Variants in INSYN2A observed in about 807,000 individuals in gnomAD.
The protein encoded by INSYN2A is family with sequence similarity 196 member A.
A neutral mutation model predicts 39.4 loss-of-function variants in INSYN2A; 17 were observed. That is an observed-to-expected ratio of 0.43 (90% CI 0.30 to 0.65). INSYN2A has a LOEUF of 0.65. Ranked by LOEUF, INSYN2A falls within the 30% of genes least tolerant of loss-of-function variation. The probability of loss-of-function intolerance (pLI) is 0.14; values close to 1 mark genes in which losing one functional copy is unlikely to be tolerated. For missense variants in INSYN2A, 595 were observed against 631.2 expected, an observed-to-expected ratio of 0.94 and a Z score of 0.61; for synonymous variants, 255 against 265.7, an observed-to-expected ratio of 0.96 and a Z score of 0.39.
intron 4 of INSYN2A, among the ~76,000 whole-genome samples, chr10:127,162,575 A>C (rs951075426): frequency 1.3e-5 from 2 of 152,168 alleles, no homozygotes; most frequent in African/African-American, 4.8e-5. Flanking sequence ...TCAGAATCAC[A>C]CACATCCCAT....
At chr10:127,171,724 G>T (rs2054590727) in intron 4 of INSYN2A, among the ~76,000 whole-genome samples, 1 of 152,074 alleles carries the variant, frequency 6.6e-6, no homozygotes, top group Admixed American at 6.6e-5. Flanking sequence ...ATTTTTTTGA[G>T]ATGGAGTCTC....
chr10:127,195,523 T>TCCC (rs144810960), intron 1 of INSYN2A, among the ~76,000 whole-genome samples: 1,999 of 148,114 alleles, frequency 0.013, 11 homozygotes, highest in Non-Finnish European at 0.021. Context: ...TTCCAACTCA[T>TCCC]CCCCCCCCCG....
intron 5 of INSYN2A, chr10:127,146,078 T>C (rs1191452362): frequency 3.9e-6 from 2 of 514,520 alleles, no homozygotes; most frequent in Admixed American, 4.0e-5. Context: ...GTCCCGTATT[T>C]ACCCCCAGAA....
intron 2 of INSYN2A, among the ~76,000 whole-genome samples, chr10:127,190,785 C>T (rs1351616788): frequency 2.0e-5 from 3 of 149,638 alleles, no homozygotes. Flanking sequence ...TGCCACATTA[C>T]AAAGACTTGT....
At chr10:127,187,573 C>T (rs147531342) in intron 2 of INSYN2A, among the ~76,000 whole-genome samples, 1 of 151,888 alleles carries the variant, frequency 6.6e-6, no homozygotes, top group African/African-American at 2.4e-5. Context: ...CATATCCTGC[C>T]ACGTAGAAGA....
intron 2 of INSYN2A, among the ~76,000 whole-genome samples, chr10:127,182,987 G>A (rs2055876524): frequency 6.7e-6 from 1 of 150,318 alleles, no homozygotes; most frequent in African/African-American, 2.4e-5. Context: ...TTTAGACTTA[G>A]TGGGAATCTC....
chr10:127,148,211 T>C (rs1280093224), intron 5 of INSYN2A, among the ~76,000 whole-genome samples: 4 of 152,172 alleles, frequency 2.6e-5, no homozygotes, highest in African/African-American at 9.6e-5. Context: ...AGCCCACTCA[T>C]TGATCCACTG....
At chr10:127,182,059 G>A (rs1429318637) in intron 2 of INSYN2A, among the ~76,000 whole-genome samples, 1 of 152,178 alleles carries the variant, frequency 6.6e-6, no homozygotes, top group Non-Finnish European at 1.5e-5. Flanking sequence ...TGAGCAATGC[G>A]TGAGGAACTG....
intron 2 of INSYN2A, among the ~76,000 whole-genome samples, chr10:127,187,148 A>G (rs774206156): frequency 2.0e-5 from 3 of 152,234 alleles, no homozygotes; most frequent in Non-Finnish European, 4.4e-5. Flanking sequence ...GAAGCACCCA[A>G]CACATAACAC....
chr10:127,175,899 C>G lies in INSYN2A; in HGVS notation c.497G>C (p.Arg166Pro). Reference sequence around the variant, plus strand: ...AACCAAGGCTGTGGTCTTGTGCACCCGCCCCGCGCCACATGGCCGGGCCTC... The same window carrying G: ...AACCAAGGCTGTGGTCTTGTGCACCGGCCCCGCGCCACATGGCCGGGCCTC... ...MEEARPCGAG[R>P]VHKTTALVFH... Residue 166 changes from arginine to proline, a missense_variant, in exon 4 of 6, where the codon CGG becomes CCG. By Grantham distance (103) the Arg-to-Pro change is moderately radical (BLOSUM62 -2). Coordinates refer to ENST00000522781, the MANE Select transcript of INSYN2A (RefSeq NM_001039762.3). The surrounding 1 kb of genome is among the most constrained non-coding windows in gnomAD (Gnocchi z 6.3). 1 of 1,614,194 alleles carries G rather than the reference C, an allele frequency of 6.2e-7. No individual in the cohort carries two copies. The highest frequency in any genetic ancestry group is 8.5e-7 in the Non-Finnish European group (1 of 1,180,044).
intron 4 of INSYN2A, among the ~76,000 whole-genome samples, chr10:127,167,302 G>A (rs2054166512): frequency 6.6e-6 from 1 of 152,066 alleles, no homozygotes; most frequent in South Asian, 2.1e-4. Flanking sequence ...ATAAATAAAA[G>A]CCATTAGTTT....
chr10:127,176,209 G>A lies in INSYN2A; in HGVS notation c.187C>T (p.Gln63Ter). Reference protein sequence around the residue: ...CEAQNEQRDTQLSSGQLGEKR... With the variant: ...CEAQNEQRDT ...TCCCCCAGCTGGCCCGAGGACAGCT[G>A]TGTGTCCCTCTGCTCATTCTGTGCC... is the stretch of plus-strand genomic sequence containing the variant. Residue 63 changes from glutamine (Q) to a stop codon, truncating the protein, a stop_gained, in exon 4 of 6, where the codon CAG (glutamine) becomes TAG (stop). Transcript: ENST00000522781. LOFTEE classifies it high-confidence loss of function. The surrounding 1 kb of genome is among the most constrained non-coding windows in gnomAD (Gnocchi z 4.4). 2 of 1,614,160 alleles carry A rather than the reference G, an allele frequency of 1.2e-6. No homozygotes were observed. Among genetic ancestry groups the A allele is most frequent in the Non-Finnish European group, 1.7e-6 (2 of 1,180,032 alleles).
chr10:127,154,154 C>G (rs1475213375), intron 4 of INSYN2A, among the ~76,000 whole-genome samples: 1 of 152,152 alleles, frequency 6.6e-6, no homozygotes, highest in African/African-American at 2.4e-5. Context: ...AACATAAGCT[C>G]CTGGATGAAG....
rs151235422 is a variant in INSYN2A at position 127,145,683 on chromosome 10, C to T, written c.1257-7663G>A. On this transcript the variant is annotated intron_variant, in intron 5 of 5. Coordinates refer to ENST00000522781, the MANE Select transcript of INSYN2A (RefSeq NM_001039762.3). ...CTAGAGACATGGGTGACGTCCCGGG[C>T]TCCCAGTGTTGGTGTGAAGGCTACA... is the stretch of plus-strand genomic sequence containing the variant. Among the ~76,000 whole-genome samples, 601 of 152,288 alleles carry T rather than the reference C, an allele frequency of 3.9e-3. 5 individuals carry two copies. The highest frequency in any genetic ancestry group is 0.013 in the African/African-American group (542 of 41,560).
At chr10:127,140,083 C>T (rs920439297) in intron 5 of INSYN2A, among the ~76,000 whole-genome samples, 3 of 152,100 alleles carry the variant, frequency 2.0e-5, no homozygotes, top group Admixed American at 6.5e-5. Context: ...AGATCGTAAC[C>T]GTTTCAACAG....
chr10:127,161,381 C>G (rs2053581447), intron 4 of INSYN2A, among the ~76,000 whole-genome samples: 1 of 152,124 alleles, frequency 6.6e-6, no homozygotes, highest in Non-Finnish European at 1.5e-5. Context: ...TGTCTGTTCC[C>G]TTTTTCCCAG....
chr10:127,171,712 T>A (rs1435001693), intron 4 of INSYN2A, among the ~76,000 whole-genome samples: 1 of 152,164 alleles, frequency 6.6e-6, no homozygotes, highest in South Asian at 2.1e-4. Context: ...GATTTTATTT[T>A]TATTTTTTTG....
chr10:127,141,461 G>A (rs1482319829), intron 5 of INSYN2A, among the ~76,000 whole-genome samples: 1 of 152,120 alleles, frequency 6.6e-6, no homozygotes, highest in Non-Finnish European at 1.5e-5. Flanking sequence ...CTAGCACTTT[G>A]GGAGGCCGAG....
In INSYN2A at chr10:127,175,718, C is replaced by T; in HGVS notation, c.678G>A (p.Gly226=). The stretch of plus-strand genomic sequence containing the variant: ...GCCTCCCCCGGTCCTGCTTGGCCCT[C>T]CCGAGCAGCTGGTAATCGGGCTCTT... ...PSEEPDYQLL[G]RAKQDRGRPN... is the part of the protein sequence containing the mutation. Residue 226 remains glycine, a synonymous_variant, in exon 4 of 6, where the codon GGG becomes GGA. Coordinates refer to ENST00000522781, the MANE Select transcript of INSYN2A (RefSeq NM_001039762.3). The surrounding 1 kb of genome is among the most constrained non-coding windows in gnomAD (Gnocchi z 6.3). 1.2e-6 allele frequency: 2 copies of T among 1,614,018 alleles called. No individual in the cohort carries two copies. The highest frequency in any genetic ancestry group is 1.7e-6 in the Non-Finnish European group (2 of 1,180,018).
Sources: gnomAD v4.1 joint callset for allele counts (sites outside exome capture counted in the v4.1 genomes callset) on GRCh38, gnomAD v4.1.1 for gene constraint, Gnocchi (gnomAD v3.1) non-coding constraint, MANE v1.5 for transcripts, NCBI Gene and HGNC (gene_info 2026-07-23, HGNC 2026-07-21) for gene names.